Variants in ABRAXAS2 observed in about 807,000 individuals in gnomAD.
ABRAXAS2 encodes the protein abraxas 2, BRISC complex subunit.
In ABRAXAS2, 23 loss-of-function variants were observed where a neutral mutation model predicts 49.0. That is an observed-to-expected ratio of 0.47 (90% confidence interval 0.34 to 0.66). The LOEUF (loss-of-function observed/expected upper bound fraction) is 0.66, where lower values mean the gene tolerates loss of function less well. ABRAXAS2 is among the 30% of genes least tolerant of loss of function. The probability of loss-of-function intolerance (pLI) is 0.01; values close to 1 mark genes in which losing one functional copy is unlikely to be tolerated. For synonymous variants in ABRAXAS2, 168 were observed against 180.2 expected, an observed-to-expected ratio of 0.93 and a Z score of 0.54; for missense variants, 443 against 511.9, an observed-to-expected ratio of 0.87 and a Z score of 1.30.
intron 1 of ABRAXAS2, among the ~76,000 whole-genome samples, chr10:124,803,519 G>T (rs1349194115): frequency 1.3e-5 from 2 of 152,186 alleles, no homozygotes; most frequent in Non-Finnish European, 2.9e-5. Flanking sequence ...AGTAAACTTT[G>T]TAGGCTTTGT....
rs777543455 is a variant in ABRAXAS2 at position 124,834,802 on chromosome 10, C to T, written c.1079C>T (p.Pro360Leu). 1 of 1,614,124 alleles carries T rather than the reference C, an allele frequency of 6.2e-7. No individual in the cohort carries two copies. The highest frequency in any genetic ancestry group is 1.7e-5 in the Admixed American group (1 of 60,012). ...CCTGGAAGTGGGGCTGACCTTCCTC[C>T]TCCCCAAAGAGCAGCTGGAGACAGT... ...KYPGSGADLP[P>L]PQRAAGDSGE... The change falls in exon 9 of 9, where the codon CCT (proline) becomes CTT (leucine). Residue 360 changes from proline to leucine, a missense_variant. Coordinates refer to ENST00000298492, the MANE Select transcript of ABRAXAS2 (RefSeq NM_032182.4).
chr10:124,825,434 T>C (rs1301474487), intron 4 of ABRAXAS2, among the ~76,000 whole-genome samples: 1 of 152,152 alleles, frequency 6.6e-6, no homozygotes, highest in Non-Finnish European at 1.5e-5. Context: ...TTATGTTCAG[T>C]AGTACTCCTT....
intron 4 of ABRAXAS2, among the ~76,000 whole-genome samples, chr10:124,822,561 G>A (rs1256227334): frequency 6.6e-6 from 1 of 152,178 alleles, no homozygotes; most frequent in Non-Finnish European, 1.5e-5. Context: ...GGGAGGCCGA[G>A]GCAGATGGAT....
chr10:124,818,731 T>A (rs1182439292), intron 3 of ABRAXAS2, among the ~76,000 whole-genome samples: 1 of 152,236 alleles, frequency 6.6e-6, no homozygotes, highest in African/African-American at 2.4e-5. Context: ...TCATTATACC[T>A]GGATGCGCAC....
At chr10:124,810,127 ATTC>A (rs985821246) in intron 2 of ABRAXAS2, among the ~76,000 whole-genome samples, 30 of 152,234 alleles carry the variant, frequency 2.0e-4, no homozygotes, top group South Asian at 8.3e-4. Flanking sequence ...GACCAAGACA[ATTC>A]TTCTTCCAAT....
chr10:124,811,038 T>G (rs1344369716), intron 2 of ABRAXAS2, among the ~76,000 whole-genome samples: 1 of 147,564 alleles, frequency 6.8e-6, no homozygotes, highest in Non-Finnish European at 1.5e-5. Flanking sequence ...GCTAACATGG[T>G]GAAACCCCGT....
intron 8 of ABRAXAS2, 102 bp downstream of exon 8, chr10:124,831,565 C>A (rs2134173340): frequency 1.6e-6 from 1 of 623,838 alleles, no homozygotes; most frequent in Non-Finnish European, 2.7e-6. Context: ...TACGCTCATC[C>A]AGTCTCAGAT....
At chr10:124,807,723 T>G (rs76823488) in intron 2 of ABRAXAS2, among the ~76,000 whole-genome samples, 2,419 of 152,328 alleles carry the variant, frequency 0.016, 67 homozygotes, top group African/African-American at 0.053. Context: ...AGTATGGGTC[T>G]TCTATAAAGT....
At position 124,820,264 on chromosome 10, in the gene ABRAXAS2, G is replaced by T. The variant is rs148906511; in HGVS notation, c.267+814G>T. Among the ~76,000 whole-genome samples the T allele has an allele frequency of 2.4e-3, 365 of 152,236 alleles. 3 individuals are homozygous for T. Among genetic ancestry groups the T allele is most frequent in the African/African-American group, 8.5e-3 (354 of 41,550 alleles). On this transcript the variant is annotated intron_variant, in intron 4 of 8. Coordinates refer to ENST00000298492, the MANE Select transcript of ABRAXAS2 (RefSeq NM_032182.4). ...TTATGCATGATAGTAAACTCAAGAG[G>T]TGCTCCATCCTGGTAGTCTAACCAA...
intron 5 of ABRAXAS2, 71 bp downstream of exon 5, chr10:124,826,856 G>A (rs1300153086): frequency 2.1e-6 from 3 of 1,447,510 alleles, no homozygotes; most frequent in Non-Finnish European, 2.9e-6. Context: ...GCTTACGCCT[G>A]TAATCCCAGC....
chr10:124,812,127 A>T lies in ABRAXAS2; in HGVS notation c.164-4449A>T, dbSNP rs1335025010. The stretch of plus-strand genomic sequence containing the variant: ...TAAAGTACTGATTCTTTGATTCATA[A>T]ACCATCTGCCTCTTGCAGTAAATAC... On this transcript the variant is annotated intron_variant, in intron 2 of 8. Transcript: ENST00000298492. Among the ~76,000 whole-genome samples, 3 of 152,338 alleles carry T rather than the reference A, an allele frequency of 2.0e-5. No homozygotes were observed. The East Asian group carries it at 5.8e-4, about 29-fold the overall frequency.
At chr10:124,822,684 C>T (rs760312113) in intron 4 of ABRAXAS2, among the ~76,000 whole-genome samples, 13 of 151,046 alleles carry the variant, frequency 8.6e-5, no homozygotes, top group Non-Finnish European at 1.6e-4. Flanking sequence ...CCCAGCTACT[C>T]GGAAGCCTGA....
intron 3 of ABRAXAS2, among the ~76,000 whole-genome samples, chr10:124,818,128 G>A (rs1950836843): frequency 1.3e-5 from 2 of 152,158 alleles, no homozygotes. Flanking sequence ...CGGGTGCGGT[G>A]GCTCACGCCT....
intron 2 of ABRAXAS2, among the ~76,000 whole-genome samples, chr10:124,807,915 G>A (rs1042448044): frequency 7.2e-5 from 11 of 152,160 alleles, no homozygotes; most frequent in African/African-American, 2.7e-4. Context: ...GATCCAGCAA[G>A]GATATTTACA....
Position 124,801,941 on chromosome 10 carries a change from C to T in ABRAXAS2, c.72+40C>T, listed in dbSNP as rs375090139. The T allele has an allele frequency of 2.4e-5, 38 of 1,598,088 alleles. No individual in the cohort carries two copies. The African/African-American group carries it at 4.8e-4, about 20-fold the overall frequency. On this transcript the variant is annotated intron_variant, in intron 1 of 8. Coordinates refer to ENST00000298492, the MANE Select transcript of ABRAXAS2 (RefSeq NM_032182.4). ...CCCTGCCGCGCCCGCTGGGGGCTTTCAGCCTCTGTCTCAGGCCGGCGCTCG... is the reference window on the plus strand; with the variant it reads ...CCCTGCCGCGCCCGCTGGGGGCTTTTAGCCTCTGTCTCAGGCCGGCGCTCG...
intron 1 of ABRAXAS2, 150 bp downstream of exon 1, chr10:124,802,051 C>G: frequency 4.2e-6 from 3 of 707,894 alleles, no homozygotes; most frequent in Non-Finnish European, 6.8e-6. Context: ...CTCCCGCCCC[C>G]GGTGAGCTCT....
At chr10:124,812,481 C>A (rs911673938) in intron 2 of ABRAXAS2, among the ~76,000 whole-genome samples, 1 of 151,782 alleles carries the variant, frequency 6.6e-6, no homozygotes, top group African/African-American at 2.4e-5. Flanking sequence ...CCTGTCTCTA[C>A]AAAATAAAAA....
In ABRAXAS2 at chr10:124,835,845, C is replaced by T. The variant is rs1444400099; in HGVS notation, c.*874C>T. On this transcript the variant is annotated 3_prime_UTR_variant, in exon 9 of 9. Coordinates refer to ENST00000298492, the MANE Select transcript of ABRAXAS2 (RefSeq NM_032182.4). ...CAGAGGAGATATAACTCATTTAGAT[C>T]TTCTGACAAATCCTAGTGTTAGTTT... 1 of 152,400 alleles carries T rather than the reference C, an allele frequency of 6.6e-6. No individual in the cohort carries two copies. Among genetic ancestry groups the T allele is most frequent in the African/African-American group, 2.4e-5 (1 of 41,400 alleles). The allele number at this position is 152,400 out of a possible 1,614,324, so 9.4% of individuals were successfully genotyped here. A position where few individuals can be genotyped will look rare whatever the true frequency, so the allele number is the denominator to read the frequency against.
chr10:124,806,174 C>T (rs1365087234), intron 1 of ABRAXAS2, among the ~76,000 whole-genome samples: 3 of 151,798 alleles, frequency 2.0e-5, no homozygotes, highest in Admixed American at 6.6e-5. Context: ...GGCATGGTGG[C>T]GGGTGCCTGT....
Sources: allele counts gnomAD v4.1 joint callset (sites outside exome capture counted in the v4.1 genomes callset), GRCh38; gene constraint gnomAD v4.1.1; transcripts MANE v1.5; gene names NCBI Gene and HGNC (gene_info 2026-07-23, HGNC 2026-07-21).